Variants in AP4S1 observed in about 807,000 individuals in gnomAD.
AP4S1 encodes AP-4 complex subunit sigma-1.
AP4S1 carries 23 observed loss-of-function variants against 19.8 expected under a neutral mutation model. The observed-to-expected ratio is 1.16, with a 90% CI of 0.84 to 1.65. The LOEUF (loss-of-function observed/expected upper bound fraction) is 1.65. Ranked by LOEUF, AP4S1 falls within the 40% of genes most tolerant of loss-of-function variation. AP4S1 has a pLI of 0.00. For missense variants in AP4S1, 166 were observed against 172.8 expected, an observed-to-expected ratio of 0.96 and a Z score of 0.22; for synonymous variants, 46 against 54.1, an observed-to-expected ratio of 0.85 and a Z score of 0.66.
rs983941488 is a variant in AP4S1, at chr14:31,085,819, A to G, written c.306+5235A>G. The G allele has an allele frequency of 5.4e-5, 53 of 984,214 alleles. No homozygotes were observed. In the African/African-American group the frequency reaches 8.4e-4, roughly 16 times the overall value. 61.0% of individuals were successfully genotyped at this position (984,214 alleles called of 1,614,324 possible). Reference sequence around the variant, plus strand: ...TTTACAACATTCCTGTTTGTATTTTATAAACTCAAAATCTCAAAGACTGAG... The same window carrying G: ...TTTACAACATTCCTGTTTGTATTTTGTAAACTCAAAATCTCAAAGACTGAG... On this transcript the variant is annotated intron_variant, in intron 5 of 5. Transcript: ENST00000542754.
chr14:31,047,799 G>A (rs1885506529), intron 1 of AP4S1, among the ~76,000 whole-genome samples: 1 of 152,000 alleles, frequency 6.6e-6, no homozygotes, highest in Non-Finnish European at 1.5e-5. Flanking sequence ...ATGCCTCAAT[G>A]ACAAGCCTCC....
At position 31,066,212 on chromosome 14, in the gene AP4S1, C is replaced by T; in HGVS notation, c.16C>T (p.Leu6Phe). MIKFF[L>F]MVNKQGQTRL... ...GGAAAGAAAAATGATAAAATTTTTC[C>T]TCATGGTGAATAAACAAGGGCAGAC... The change falls in exon 2 of 6, where the codon CTC (leucine) becomes TTC (phenylalanine). Residue 6 changes from leucine to phenylalanine, a missense_variant. Transcript: ENST00000542754. 6.2e-7 allele frequency: 1 copy of T among 1,613,796 alleles called. No individual in the cohort carries two copies. Among genetic ancestry groups the T allele is most frequent in the African/African-American group, 1.3e-5 (1 of 74,972 alleles).
chr14:31,075,880 C>A (rs1313335947), intron 4 of AP4S1, among the ~76,000 whole-genome samples: 1 of 151,920 alleles, frequency 6.6e-6, no homozygotes, highest in African/African-American at 2.4e-5. Flanking sequence ...GCTGGGATTA[C>A]AGGCATGCAC....
At chr14:31,082,789 G>A (rs558992472) in intron 5 of AP4S1, among the ~76,000 whole-genome samples, 47 of 151,830 alleles carry the variant, frequency 3.1e-4, no homozygotes, top group Non-Finnish European at 6.3e-4. Flanking sequence ...CCAGCTACTT[G>A]GGAGGCTGAG....
chr14:31,025,914 G>C lies in AP4S1; in HGVS notation c.-72+127G>C, dbSNP rs765632393. On this transcript the variant is annotated intron_variant, in intron 1 of 5. Transcript: ENST00000542754. ...ACCCCAACGAGGTACCTGCAGTTCG[G>C]CCCGTTCCACCTCCCAGTGCGCCCG... The C allele has an allele frequency of 9.4e-6, 15 of 1,600,860 alleles. No homozygotes were observed. In the South Asian group the frequency reaches 1.7e-4, roughly 18 times the overall value.
chr14:31,064,670 T>C (rs542027762), intron 1 of AP4S1, among the ~76,000 whole-genome samples: 1 of 152,218 alleles, frequency 6.6e-6, no homozygotes, highest in South Asian at 2.1e-4. Context: ...AAAGTAAGGA[T>C]AACAGACTTG....
At chr14:31,082,845 G>C (rs1052131250) in intron 5 of AP4S1, among the ~76,000 whole-genome samples, 1 of 151,452 alleles carries the variant, frequency 6.6e-6, no homozygotes, top group Non-Finnish European at 1.5e-5. Flanking sequence ...GCAGTGAGCC[G>C]AGATTGCGCC....
rs1314868846 is a variant in AP4S1 at position 31,063,048 on chromosome 14, G to A, written c.-71-3078G>A. ...GCAGTGGCTCATGCCTATAATCCCA[G>A]CACTTGGAAGGCTAAGGCAGGAGGA... On this transcript the variant is annotated intron_variant, in intron 1 of 5. Coordinates refer to ENST00000542754, the MANE Select transcript of AP4S1 (RefSeq NM_001128126.3). Among the ~76,000 whole-genome samples the A allele has an allele frequency of 2.0e-5, 3 of 151,990 alleles. No individual in the cohort carries two copies. In the East Asian group the frequency reaches 5.8e-4, roughly 29 times the overall value.
rs185166092 is a variant in AP4S1, at chr14:31,073,292, C to T, written c.294+319C>T. The T allele has an allele frequency of 4.1e-4, 122 of 297,540 alleles. 1 individual carries two copies. Among genetic ancestry groups the T allele is most frequent in the Non-Finnish European group, 5.8e-4 (89 of 153,382 alleles). The allele number at this position is 297,540 out of a possible 1,614,324, so 18.4% of individuals were successfully genotyped here. ...GATCACAAGGTCAGGAGATGGAGAC[C>T]ATCCTGGCTAATACGGTGAAACCCC... On this transcript the variant is annotated intron_variant, in intron 4 of 5. Transcript: ENST00000542754.
chr14:31,025,676 G>T lies in AP4S1; in HGVS notation c.-183G>T. 1.5e-6 allele frequency: 1 copy of T among 662,178 alleles called. No individual in the cohort carries two copies. The highest frequency in any genetic ancestry group is 2.0e-5 in the South Asian group (1 of 50,130). 41.0% of individuals were successfully genotyped at this position (662,178 alleles called of 1,614,324 possible). ...TAAAAGCCAAAATGGCTGCCCCGAG[G>T]AGGCCCGCACCGCGTAGCCAGTGAA... On this transcript the variant is annotated 5_prime_UTR_variant, in exon 1 of 6. Transcript: ENST00000542754.
chr14:31,059,164 C>G (rs1488489708), intron 1 of AP4S1, among the ~76,000 whole-genome samples: 6 of 152,204 alleles, frequency 3.9e-5, no homozygotes, highest in African/African-American at 1.4e-4. Context: ...TTTTTTACCA[C>G]TGCATCATGC....
intron 1 of AP4S1, among the ~76,000 whole-genome samples, chr14:31,050,214 G>A (rs1297616146): frequency 9.2e-5 from 14 of 152,008 alleles, no homozygotes; most frequent in African/African-American, 3.1e-4. Flanking sequence ...GAGCCACCAC[G>A]CCTGTCCTAA....
chr14:31,031,994 G>A (rs961181897), intron 1 of AP4S1, among the ~76,000 whole-genome samples: 11 of 151,490 alleles, frequency 7.3e-5, no homozygotes, highest in Non-Finnish European at 1.5e-5. Context: ...CTATTTGAGC[G>A]CGGGAGGTTG....
intron 4 of AP4S1, among the ~76,000 whole-genome samples, chr14:31,074,962 T>C (rs1173582561): frequency 1.3e-5 from 2 of 152,246 alleles, no homozygotes; most frequent in Non-Finnish European, 2.9e-5. Context: ...ATTCATATAA[T>C]GTATAAAAAC....
intron 1 of AP4S1, among the ~76,000 whole-genome samples, chr14:31,063,068 G>A (rs1886527858): frequency 6.6e-6 from 1 of 152,104 alleles, no homozygotes; most frequent in Non-Finnish European, 1.5e-5. Context: ...GGCTAAGGCA[G>A]GAGGACCCCT....
In AP4S1 at chr14:31,041,339, G is replaced by A. The variant is rs544164505; in HGVS notation, c.-72+15552G>A. Reference sequence around the variant, plus strand: ...TAATTTTTGTATTTTTAGTAGTGAGGGGGTTTCACCTTGTTAGCCAGGCTG... The same window carrying A: ...TAATTTTTGTATTTTTAGTAGTGAGAGGGTTTCACCTTGTTAGCCAGGCTG... On this transcript the variant is annotated intron_variant, in intron 1 of 5. Coordinates refer to ENST00000542754, the MANE Select transcript of AP4S1 (RefSeq NM_001128126.3). 1.5e-4 allele frequency among the ~76,000 whole-genome samples: 23 copies of A among 152,028 alleles called. No homozygotes were observed. In the East Asian group the frequency reaches 3.3e-3, roughly 22 times the overall value.
At chr14:31,089,007 T>C (rs1482506903) in intron 5 of AP4S1, among the ~76,000 whole-genome samples, 4 of 150,956 alleles carry the variant, frequency 2.6e-5, no homozygotes, top group South Asian at 4.2e-4. Context: ...CCAAAAAATA[T>C]AGAAATTAGA....
intron 2 of AP4S1, among the ~76,000 whole-genome samples, chr14:31,067,938 G>C (rs1223358193): frequency 6.6e-6 from 1 of 150,598 alleles, no homozygotes; most frequent in Non-Finnish European, 1.5e-5. Flanking sequence ...GCACGATCTT[G>C]GCTTACCACA....
chr14:31,082,515 A>C (rs2139105361), intron 5 of AP4S1, among the ~76,000 whole-genome samples: 1 of 152,342 alleles, frequency 6.6e-6, no homozygotes, highest in African/African-American at 2.4e-5. Context: ...TAGAGAACTC[A>C]ATTTCCACTT....
Sources: gnomAD v4.1 joint callset for allele counts (sites outside exome capture counted in the v4.1 genomes callset) on GRCh38, gnomAD v4.1.1 for gene constraint, MANE v1.5 for transcripts, NCBI Gene and HGNC (gene_info 2026-07-23, HGNC 2026-07-21) for gene names.